The following MYO3B variants were observed in gnomAD, a reference collection of about 807,000 sequenced individuals.
MYO3B encodes myosin-IIIb.
A neutral mutation model predicts 174.6 loss-of-function variants in MYO3B; 156 were observed. The ratio of observed to expected loss-of-function variants is 0.89; its 90% CI spans 0.78 to 1.02. The LOEUF (loss-of-function observed/expected upper bound fraction) is 1.02, where lower values mean the gene tolerates loss of function less well. MYO3B is among the 50% of genes least tolerant of loss of function. MYO3B has a pLI of 0.00. For missense variants in MYO3B, 1,632 were observed against 1,639.4 expected (o/e 1.00, Z 0.08); for synonymous variants, 563 against 569.1 (o/e 0.99, Z 0.15).
intron 23 of MYO3B, among the ~76,000 whole-genome samples, chr2:170,445,954 C>T (rs1390712729): frequency 6.0e-5 from 9 of 151,244 alleles, no homozygotes; most frequent in African/African-American, 9.7e-5. Flanking sequence ...GGGCAGGGGT[C>T]GGGGGCAGCA....
intron 32 of MYO3B, among the ~76,000 whole-genome samples, chr2:170,628,177 A>G (rs892058942): frequency 6.6e-6 from 1 of 152,154 alleles, no homozygotes; most frequent in South Asian, 2.1e-4. Flanking sequence ...GGCCTCCTTG[A>G]GCTGCATTGG....
chr2:170,208,779 C>T (rs2092741594), intron 3 of MYO3B, among the ~76,000 whole-genome samples: 1 of 152,122 alleles, frequency 6.6e-6, no homozygotes, highest in African/African-American at 2.4e-5. Context: ...AGACTTTAGT[C>T]TTACACTTGA....
chr2:170,570,876 C>G (rs565992934), intron 32 of MYO3B, among the ~76,000 whole-genome samples: 28 of 152,210 alleles, frequency 1.8e-4, no homozygotes, highest in Admixed American at 7.2e-4. Context: ...CTCTTTGAGC[C>G]TCTTGCTCTC....
intron 7 of MYO3B, among the ~76,000 whole-genome samples, chr2:170,282,632 T>A (rs1254230013): frequency 2.6e-5 from 4 of 152,178 alleles, no homozygotes; most frequent in Non-Finnish European, 4.4e-5. Context: ...TTTTTTCTAA[T>A]TCTGTGAAAA....
chr2:170,515,557 A>G (rs896425182), intron 29 of MYO3B, among the ~76,000 whole-genome samples: 6 of 152,158 alleles, frequency 3.9e-5, no homozygotes, highest in African/African-American at 1.2e-4. Context: ...AGTCACGGTA[A>G]CATGAGACAA....
chr2:170,374,613 G>A (rs1309545259), intron 9 of MYO3B, among the ~76,000 whole-genome samples: 1 of 152,098 alleles, frequency 6.6e-6, no homozygotes, highest in Non-Finnish European at 1.5e-5. Flanking sequence ...AGCAGAAGCT[G>A]TACTGTGCTT....
chr2:170,516,633 A>G (rs1438635745), intron 29 of MYO3B, among the ~76,000 whole-genome samples: 4 of 136,966 alleles, frequency 2.9e-5, no homozygotes, highest in Non-Finnish European at 4.6e-5. Flanking sequence ...ACAGAGCCAG[A>G]CTCCGTCTCA....
At chr2:170,268,566 A>G (rs937920927) in intron 7 of MYO3B, among the ~76,000 whole-genome samples, 1 of 152,210 alleles carries the variant, frequency 6.6e-6, no homozygotes, top group African/African-American at 2.4e-5. Context: ...TTTTGCCTAC[A>G]TATACCTCTA....
At chr2:170,516,009 G>A (rs1218103276) in intron 29 of MYO3B, among the ~76,000 whole-genome samples, 2 of 152,162 alleles carry the variant, frequency 1.3e-5, no homozygotes, top group Non-Finnish European at 2.9e-5. Flanking sequence ...GGCTATTACT[G>A]ACTGAGGGTG....
intron 23 of MYO3B, among the ~76,000 whole-genome samples, chr2:170,456,791 CA>C (rs1004077186): frequency 6.6e-6 from 1 of 152,170 alleles, no homozygotes; most frequent in Non-Finnish European, 1.5e-5. Flanking sequence ...ATGAGGAAAA[CA>C]GAGGCTTTTA....
At chr2:170,446,206 C>T (rs1559009125) in intron 23 of MYO3B, among the ~76,000 whole-genome samples, 1 of 152,192 alleles carries the variant, frequency 6.6e-6, no homozygotes, top group East Asian at 1.9e-4. Context: ...GTAGGCAAAT[C>T]CTCAGATAAT....
intron 7 of MYO3B, among the ~76,000 whole-genome samples, chr2:170,276,915 C>G (rs2093467650): frequency 6.6e-6 from 1 of 152,094 alleles, no homozygotes; most frequent in South Asian, 2.1e-4. Context: ...AGTTCCCCTC[C>G]CCAAGATATG....
chr2:170,344,626 C>G (rs963792205), intron 8 of MYO3B: 2 of 152,110 alleles, frequency 1.3e-5, no homozygotes, highest in African/African-American at 2.4e-5. Flanking sequence ...GGGGCTCTAT[C>G]CCTAAGTAAA....
At chr2:170,212,480 T>G (rs769619774) in intron 3 of MYO3B, among the ~76,000 whole-genome samples, 1 of 152,202 alleles carries the variant, frequency 6.6e-6, no homozygotes, top group African/African-American at 2.4e-5. Context: ...GGTTTGCATG[T>G]CACTCACCTT....
At chr2:170,300,958 A>T (rs1475244984) in intron 7 of MYO3B, among the ~76,000 whole-genome samples, 1 of 152,008 alleles carries the variant, frequency 6.6e-6, no homozygotes, top group African/African-American at 2.4e-5. Context: ...AAGGGAGTTT[A>T]GTTAGTTAGT....
At chr2:170,483,110 G>A (rs1286480009) in intron 25 of MYO3B, among the ~76,000 whole-genome samples, 1 of 152,242 alleles carries the variant, frequency 6.6e-6, no homozygotes, top group Non-Finnish European at 1.5e-5. Flanking sequence ...AAAAGTGGAT[G>A]CAAGAATTAA....
chr2:170,241,338 A>G (rs901770418), intron 7 of MYO3B, among the ~76,000 whole-genome samples: 1 of 152,138 alleles, frequency 6.6e-6, no homozygotes, highest in Non-Finnish European at 1.5e-5. Context: ...TAGTCTAAGG[A>G]CTTAGGCTTC....
At chr2:170,563,897 G>A (rs1691898833) in intron 32 of MYO3B, among the ~76,000 whole-genome samples, 1 of 152,172 alleles carries the variant, frequency 6.6e-6, no homozygotes, top group Non-Finnish European at 1.5e-5. Flanking sequence ...AGAAGAAGCT[G>A]GGAAGCATAG....
intron 32 of MYO3B, among the ~76,000 whole-genome samples, chr2:170,621,420 C>G (rs1224731124): frequency 6.6e-6 from 1 of 152,120 alleles, no homozygotes; most frequent in Non-Finnish European, 1.5e-5. Flanking sequence ...CTCTTCCTTC[C>G]CACCTTTCAC....
Sources: allele counts gnomAD v4.1 joint callset (sites outside exome capture counted in the v4.1 genomes callset), GRCh38; gene constraint gnomAD v4.1.1; transcripts MANE v1.5; gene names NCBI Gene and HGNC (gene_info 2026-07-23, HGNC 2026-07-21).